The following PLCB4 variants were observed in gnomAD, a reference collection of about 807,000 sequenced individuals.
The protein encoded by PLCB4 is 1-phosphatidylinositol 4,5-bisphosphate phosphodiesterase beta-4.
In PLCB4, 77 loss-of-function variants were observed where a neutral mutation model predicts 178.8. That is an observed-to-expected ratio of 0.43 (90% confidence interval 0.36 to 0.52). The LOEUF (loss-of-function observed/expected upper bound fraction) is 0.52. Among genes scored for constraint, PLCB4 ranks in the 20% least tolerant of loss-of-function variants. The pLI, the probability that PLCB4 is intolerant of heterozygous loss-of-function variation, is 0.00. For missense variants in PLCB4, 1,024 were observed against 1,453.4 expected, an observed-to-expected ratio of 0.70 and a Z score of 4.80; for synonymous variants, 496 against 490.8, an observed-to-expected ratio of 1.01 and a Z score of -0.14.
At chr20:9,120,639 C>T (rs2091930164) in intron 2 of PLCB4, among the ~76,000 whole-genome samples, 1 of 152,100 alleles carries the variant, frequency 6.6e-6, no homozygotes, top group Non-Finnish European at 1.5e-5. Flanking sequence ...ATGGGTTTCC[C>T]CATATGTTCC....
intron 2 of PLCB4, among the ~76,000 whole-genome samples, chr20:9,215,958 A>G (rs1457172441): frequency 2.0e-5 from 3 of 152,188 alleles, no homozygotes; most frequent in Non-Finnish European, 4.4e-5. Context: ...CTTTTCATAT[A>G]GGTACAGATT....
chr20:9,251,527 A>T (rs1382239926), intron 3 of PLCB4, among the ~76,000 whole-genome samples: 1 of 152,186 alleles, frequency 6.6e-6, no homozygotes, highest in East Asian at 1.9e-4. Context: ...TTGTCTCCTC[A>T]TGGTGGTAAA....
chr20:9,410,143 G>A (rs2039755841), intron 24 of PLCB4, among the ~76,000 whole-genome samples: 1 of 152,226 alleles, frequency 6.6e-6, no homozygotes, highest in South Asian at 2.1e-4. Context: ...TGGCATGAGT[G>A]TGAGCTGACT....
chr20:9,331,458 A>G (rs1473323638), intron 4 of PLCB4, among the ~76,000 whole-genome samples: 1 of 151,974 alleles, frequency 6.6e-6, no homozygotes, highest in Non-Finnish European at 1.5e-5. Flanking sequence ...GGCGAGAGAG[A>G]GGGCAAGAGA....
chr20:9,426,024 T>C (rs1451439036), intron 28 of PLCB4, among the ~76,000 whole-genome samples: 1 of 152,140 alleles, frequency 6.6e-6, no homozygotes, highest in Non-Finnish European at 1.5e-5. Context: ...ATAGAGTCTG[T>C]GTTCCCTGGA....
At chr20:9,264,592 G>C (rs2094330452) in intron 3 of PLCB4, among the ~76,000 whole-genome samples, 1 of 152,156 alleles carries the variant, frequency 6.6e-6, no homozygotes, top group African/African-American at 2.4e-5. Flanking sequence ...GCCAATTGCT[G>C]TAATGCACTT....
At chr20:9,297,166 C>CA (rs1005299723) in intron 3 of PLCB4, among the ~76,000 whole-genome samples, 3 of 151,704 alleles carry the variant, frequency 2.0e-5, no homozygotes, top group Non-Finnish European at 4.4e-5. Flanking sequence ...CACCCCCCCC[C>CA]ACACCATATA....
At chr20:9,233,803 C>T (rs1025266711) in intron 3 of PLCB4, among the ~76,000 whole-genome samples, 16 of 152,052 alleles carry the variant, frequency 1.1e-4, no homozygotes, top group African/African-American at 2.7e-4. Flanking sequence ...TTTAGACCTT[C>T]GTAGGAAGGA....
chr20:9,132,243 C>CTATA, intron 2 of PLCB4, among the ~76,000 whole-genome samples: 1 of 151,970 alleles, frequency 6.6e-6, no homozygotes, highest in East Asian at 1.9e-4. Context: ...TTTCATAATG[C>CTATA]TATAGTGCCA....
At chr20:9,447,914 A>G (rs2042513989) in intron 32 of PLCB4, among the ~76,000 whole-genome samples, 1 of 152,186 alleles carries the variant, frequency 6.6e-6, no homozygotes, top group African/African-American at 2.4e-5. Context: ...CAGGGCACAA[A>G]TATCTTGGGT....
chr20:9,222,776 T>G (rs1214268089), intron 3 of PLCB4, among the ~76,000 whole-genome samples: 7 of 152,200 alleles, frequency 4.6e-5, no homozygotes, highest in Admixed American at 3.3e-4. Context: ...TGGTACCATA[T>G]TGGCCAGTGC....
chr20:9,075,348 G>C (rs2089802767), intron 1 of PLCB4, among the ~76,000 whole-genome samples: 1 of 152,158 alleles, frequency 6.6e-6, no homozygotes, highest in African/African-American at 2.4e-5. Flanking sequence ...TGGCAATCCT[G>C]CTGTGAATAT....
chr20:9,376,758 G>T (rs1168360516), intron 12 of PLCB4, among the ~76,000 whole-genome samples: 4 of 152,132 alleles, frequency 2.6e-5, no homozygotes. Flanking sequence ...GGGTCCTGCA[G>T]AATTGGGAGA....
chr20:9,408,319 T>G (rs866860211), intron 22 of PLCB4, among the ~76,000 whole-genome samples: 25 of 152,310 alleles, frequency 1.6e-4, no homozygotes, highest in Middle Eastern at 6.8e-3. Context: ...TGTTCCCAAG[T>G]GCATTCACAA....
Position 9,480,763 on chromosome 20 carries a change from A to G in PLCB4, c.*1754A>G, listed in dbSNP as rs1217892968. ...ACATATCTTTTGGCACTAACATCTC[A>G]TGAAAAATTATGGTTAATAAAATAT... On this transcript the variant is annotated 3_prime_UTR_variant, in exon 40 of 40. Coordinates refer to ENST00000378473, the MANE Select transcript of PLCB4 (RefSeq NM_001377142.1). 1 of 152,202 alleles carries G rather than the reference A, an allele frequency of 6.6e-6. No homozygotes were observed. The highest frequency in any genetic ancestry group is 1.5e-5 in the Non-Finnish European group (1 of 68,042). 9.4% of individuals were successfully genotyped at this position (152,202 alleles called of 1,614,324 possible).
intron 22 of PLCB4, 107 bp downstream of exon 22, chr20:9,408,165 C>T (rs2039585459): frequency 3.4e-6 from 3 of 877,254 alleles, no homozygotes; most frequent in African/African-American, 3.4e-5. Context: ...GGCATGGGGG[C>T]TGTTCCACCT....
At chr20:9,180,459 T>C (rs74421185) in intron 2 of PLCB4, among the ~76,000 whole-genome samples, 2,361 of 152,300 alleles carry the variant, frequency 0.016, 70 homozygotes, top group African/African-American at 0.054. Flanking sequence ...TTAGTGATCA[T>C]ATGGGATTGG....
intron 21 of PLCB4, among the ~76,000 whole-genome samples, chr20:9,406,978 C>A (rs1397463878): frequency 2.0e-5 from 3 of 152,070 alleles, no homozygotes; most frequent in African/African-American, 7.2e-5. Context: ...AATTTGTTTT[C>A]TTTTTTCTGT....
chr20:9,231,874 A>C (rs1047227943), intron 3 of PLCB4, among the ~76,000 whole-genome samples: 1 of 152,180 alleles, frequency 6.6e-6, no homozygotes, highest in African/African-American at 2.4e-5. Context: ...AGCTTTAGTC[A>C]TAATAGCAAA....
Sources: allele counts gnomAD v4.1 joint callset (sites outside exome capture counted in the v4.1 genomes callset), GRCh38; gene constraint gnomAD v4.1.1; transcripts MANE v1.5; gene names NCBI Gene and HGNC (gene_info 2026-07-23, HGNC 2026-07-21).